NDC1: variants seen among roughly 807,000 people sequenced by gnomAD.
The protein encoded by NDC1 is NDC1 transmembrane nucleoporin.
A neutral mutation model predicts 89.8 loss-of-function variants in NDC1; 24 were observed. The ratio of observed to expected loss-of-function variants is 0.27; its 90% CI spans 0.19 to 0.38. NDC1 has a LOEUF of 0.38. Ranked by LOEUF, NDC1 falls within the 10% of genes least tolerant of loss-of-function variation. NDC1 has a pLI of 1.00. For missense variants in NDC1, 728 were observed against 797.6 expected, an observed-to-expected ratio of 0.91 and a Z score of 1.05; for synonymous variants, 296 against 284.8, an observed-to-expected ratio of 1.04 and a Z score of -0.39.
intron 14 of NDC1, among the ~76,000 whole-genome samples, chr1:53,790,828 T>C (rs534995395): frequency 6.6e-6 from 1 of 152,314 alleles, no homozygotes; most frequent in African/African-American, 2.4e-5. Flanking sequence ...AAAAAATGTT[T>C]TTATTTGCAC....
intron 16 of NDC1, among the ~76,000 whole-genome samples, chr1:53,779,340 TTTA>T (rs1314347229): frequency 6.6e-6 from 1 of 152,100 alleles, no homozygotes; most frequent in African/African-American, 2.4e-5. Context: ...GATTGCCATA[TTTA>T]TTAGTTCTAT....
chr1:53,783,178 C>G (rs1647230861), intron 16 of NDC1, among the ~76,000 whole-genome samples: 1 of 151,640 alleles, frequency 6.6e-6, no homozygotes, highest in Admixed American at 6.6e-5. Flanking sequence ...AGAGGGTATA[C>G]AAATGGGTAG....
At chr1:53,798,371 T>C (rs940993776) in intron 11 of NDC1, among the ~76,000 whole-genome samples, 4 of 151,240 alleles carry the variant, frequency 2.6e-5, no homozygotes, top group Non-Finnish European at 5.9e-5. Flanking sequence ...GGTTTCACCA[T>C]GTTGGCCAGA....
At chr1:53,809,845 C>T (rs1648244969) in intron 6 of NDC1, 99 bp from the exon 7 acceptor site, 4 of 820,900 alleles carry the variant, frequency 4.9e-6, no homozygotes, top group East Asian at 2.5e-5. Context: ...CACACAGACA[C>T]CAAGACCTCA....
At chr1:53,780,516 T>C (rs1390846928) in intron 16 of NDC1, among the ~76,000 whole-genome samples, 2 of 152,188 alleles carry the variant, frequency 1.3e-5, no homozygotes, top group Non-Finnish European at 2.9e-5. Flanking sequence ...CACATGCTAA[T>C]TGCTTGATAA....
chr1:53,768,700 T>C (rs1336501079), intron 17 of NDC1, among the ~76,000 whole-genome samples: 1 of 152,220 alleles, frequency 6.6e-6, no homozygotes, highest in African/African-American at 2.4e-5. Context: ...AGTTCTTGAA[T>C]AGGTCACCGC....
At chr1:53,792,205 G>A (rs1175394031) in intron 14 of NDC1, among the ~76,000 whole-genome samples, 2 of 152,164 alleles carry the variant, frequency 1.3e-5, no homozygotes, top group Non-Finnish European at 2.9e-5. Context: ...GCCTCCAAAA[G>A]TGCTGGGATT....
intron 7 of NDC1, among the ~76,000 whole-genome samples, chr1:53,808,200 C>T (rs1474196052): frequency 1.3e-5 from 2 of 152,218 alleles, no homozygotes; most frequent in Non-Finnish European, 2.9e-5. Flanking sequence ...CTATAAACCA[C>T]AGATTCATAG....
chr1:53,779,148 C>T (rs1421991288), intron 16 of NDC1, among the ~76,000 whole-genome samples: 2 of 141,974 alleles, frequency 1.4e-5, no homozygotes, highest in African/African-American at 2.6e-5. Context: ...AAAAAATTGT[C>T]ATGTAACATA....
At chr1:53,798,649 A>G (rs890980311) in intron 11 of NDC1, among the ~76,000 whole-genome samples, 2 of 149,990 alleles carry the variant, frequency 1.3e-5, no homozygotes, top group African/African-American at 4.9e-5. Flanking sequence ...CCACCTCCCG[A>G]GTTCAAGCAA....
At chr1:53,785,518 T>C (rs992160236) in intron 16 of NDC1, among the ~76,000 whole-genome samples, 4 of 152,284 alleles carry the variant, frequency 2.6e-5, no homozygotes, top group East Asian at 3.9e-4. Context: ...GATTTTCTAA[T>C]AGGTAAAATG....
intron 5 of NDC1, among the ~76,000 whole-genome samples, chr1:53,822,464 T>G (rs1293438649): frequency 6.6e-6 from 1 of 152,122 alleles, no homozygotes; most frequent in Non-Finnish European, 1.5e-5. Flanking sequence ...CATGTAAATG[T>G]ACACTAAACG....
chr1:53,830,076 G>A (rs560521861), intron 3 of NDC1, among the ~76,000 whole-genome samples: 19 of 152,096 alleles, frequency 1.2e-4, no homozygotes, highest in Admixed American at 2.0e-4. Context: ...ACTTGAACCC[G>A]GGAGGCAGAG....
chr1:53,803,684 G>A (rs1051510779), intron 10 of NDC1, among the ~76,000 whole-genome samples: 3 of 151,974 alleles, frequency 2.0e-5, no homozygotes, highest in East Asian at 1.9e-4. Flanking sequence ...CCATTCTCCC[G>A]CCTCAGCCTT....
chr1:53,782,183 G>A (rs1199816300), intron 16 of NDC1, among the ~76,000 whole-genome samples: 1 of 152,090 alleles, frequency 6.6e-6, no homozygotes, highest in Non-Finnish European at 1.5e-5. Flanking sequence ...GATATATTTG[G>A]TGGGAGGCAG....
chr1:53,787,664 G>GATAAATAAATAA (rs56823781), intron 15 of NDC1, among the ~76,000 whole-genome samples: 1,671 of 146,806 alleles, frequency 0.011, 40 homozygotes, highest in African/African-American at 0.032. Flanking sequence ...TAAATAAATA[G>GATAAATAAATAA]ATAAATAAAT....
intron 16 of NDC1, among the ~76,000 whole-genome samples, chr1:53,777,095 A>G (rs1163681907): frequency 6.6e-6 from 1 of 151,962 alleles, no homozygotes; most frequent in African/African-American, 2.4e-5. Context: ...TAGGGCAAGC[A>G]TACCTCACTG....
chr1:53,834,831 G>A (rs1329170324), intron 2 of NDC1, among the ~76,000 whole-genome samples: 2 of 152,186 alleles, frequency 1.3e-5, no homozygotes, highest in Non-Finnish European at 2.9e-5. Flanking sequence ...TTTTAGGCCA[G>A]GTGCGGTGGC....
intron 2 of NDC1, among the ~76,000 whole-genome samples, chr1:53,832,870 G>C (rs1360926960): frequency 6.6e-6 from 1 of 152,234 alleles, no homozygotes; most frequent in South Asian, 2.1e-4. Flanking sequence ...AGATAGCCAG[G>C]TGTGGTGGTG....
Sources: gnomAD v4.1 joint callset for allele counts (sites outside exome capture counted in the v4.1 genomes callset) on GRCh38, gnomAD v4.1.1 for gene constraint, MANE v1.5 for transcripts, NCBI Gene and HGNC (gene_info 2026-07-23, HGNC 2026-07-21) for gene names.